The following ASAH2 variants were observed in gnomAD, a reference collection of about 807,000 sequenced individuals.
The protein encoded by ASAH2 is neutral ceramidase.
A neutral mutation model predicts 82.9 loss-of-function variants in ASAH2; 58 were observed. That is an observed-to-expected ratio of 0.70 (90% CI 0.57 to 0.87). The LOEUF is 0.87. Among genes scored for constraint, ASAH2 ranks in the 40% least tolerant of loss-of-function variants. ASAH2 has a pLI of 0.00. For synonymous variants in ASAH2, 276 were observed against 289.7 expected (o/e 0.95, Z 0.48); for missense variants, 779 against 834.0 (o/e 0.93, Z 0.81).
At chr10:50,220,631 T>G (rs1845718030) in intron 7 of ASAH2, among the ~76,000 whole-genome samples, 1 of 151,140 alleles carries the variant, frequency 6.6e-6, no homozygotes, top group South Asian at 2.1e-4. Flanking sequence ...GAGTGAAGGG[T>G]GGAAGGAGGG....
rs188897580 is a variant in ASAH2 at position 50,241,607 on chromosome 10, C to A, written c.510+1595G>T. On this transcript the variant is annotated intron_variant, in intron 4 of 20. Transcript: ENST00000682911. ...TTGCACACATATGTTTATTGTGGCACTATTCACAATAGCAAAGACTTGGAT... is the reference window on the plus strand; with the variant it reads ...TTGCACACATATGTTTATTGTGGCAATATTCACAATAGCAAAGACTTGGAT... Among the ~76,000 whole-genome samples, 644 of 152,198 alleles carry A rather than the reference C, an allele frequency of 4.2e-3. 2 individuals are homozygous for A. The highest frequency in any genetic ancestry group is 6.8e-3 in the Middle Eastern group (2 of 294).
chr10:50,221,627 TTGTA>T (rs201056273), intron 7 of ASAH2, among the ~76,000 whole-genome samples: 5,750 of 144,716 alleles, frequency 0.04, 403 homozygotes, highest in East Asian at 0.32. Context: ...TGAATTCAGG[TTGTA>T]TGTGTGTGTG....
intron 2 of ASAH2, among the ~76,000 whole-genome samples, chr10:50,248,126 C>G (rs1262677949): frequency 1.3e-5 from 2 of 152,142 alleles, no homozygotes; most frequent in Non-Finnish European, 2.9e-5. Context: ...CTCCTTTTGC[C>G]CCCAGGAGAA....
At chr10:50,233,376 C>A in intron 6 of ASAH2, 115 bp from the exon 7 acceptor site, 1 of 748,732 alleles carries the variant, frequency 1.3e-6, no homozygotes, top group South Asian at 1.5e-5. Context: ...AGTGAGATGT[C>A]TTGACAAGCA....
intron 4 of ASAH2, among the ~76,000 whole-genome samples, chr10:50,237,154 C>T (rs1846182642): frequency 6.6e-6 from 1 of 152,128 alleles, no homozygotes; most frequent in Non-Finnish European, 1.5e-5. Context: ...GCAGAAACTG[C>T]AAAGGTTTTA....
intron 15 of ASAH2, 28 bp downstream of exon 15, chr10:50,203,612 T>A: frequency 6.7e-7 from 1 of 1,489,702 alleles, no homozygotes; most frequent in Non-Finnish European, 9.3e-7. Context: ...CATGAACATG[T>A]AGATATGTTA....
At chr10:50,215,115 G>C (rs1306313166) in intron 8 of ASAH2, among the ~76,000 whole-genome samples, 1 of 152,150 alleles carries the variant, frequency 6.6e-6, no homozygotes, top group Non-Finnish European at 1.5e-5. Flanking sequence ...TATTGCTTTT[G>C]GTGTTTTAGT....
rs1273735817 is a variant in ASAH2 at position 50,200,656 on chromosome 10, C to T, written c.1762-1510G>A. Among the ~76,000 whole-genome samples, 201 of 152,136 alleles carry T rather than the reference C, an allele frequency of 1.3e-3. 2 individuals carry two copies. Among genetic ancestry groups the T allele is most frequent in the Middle Eastern group, 3.4e-3 (1 of 294 alleles). On this transcript the variant is annotated intron_variant, in intron 16 of 20. Coordinates refer to ENST00000682911, the MANE Select transcript of ASAH2 (RefSeq NM_019893.4). ...TTCTTTTTTCTGTCTTCCTACTAGA[C>T]CCCCAGCTTCCAGTGATCTTGAGGG...
intron 4 of ASAH2, among the ~76,000 whole-genome samples, chr10:50,239,512 A>G (rs1162957700): frequency 2.6e-5 from 4 of 152,108 alleles, no homozygotes; most frequent in Non-Finnish European, 5.9e-5. Flanking sequence ...CTATTTCCCA[A>G]TTAGAGCCAT....
At chr10:50,248,704 G>T in intron 1 of ASAH2, 58 bp from the exon 2 acceptor site, 3 of 1,314,266 alleles carry the variant, frequency 2.3e-6, no homozygotes, top group Non-Finnish European at 3.1e-6. Flanking sequence ...CCGAGGTTAA[G>T]ATATCTTAGC....
At chr10:50,219,552 A>G (rs1478182334) in intron 7 of ASAH2, among the ~76,000 whole-genome samples, 1 of 152,194 alleles carries the variant, frequency 6.6e-6, no homozygotes, top group Admixed American at 6.5e-5. Context: ...GAGAAATGCT[A>G]ATTCATAAAC....
intron 16 of ASAH2, among the ~76,000 whole-genome samples, chr10:50,201,598 T>G (rs925026294): frequency 7.7e-4 from 117 of 152,230 alleles, no homozygotes; most frequent in African/African-American, 2.6e-3. Flanking sequence ...CCATCTCACC[T>G]GGACCAGGAG....
chr10:50,194,172 C>T (rs1844913979), intron 18 of ASAH2, among the ~76,000 whole-genome samples: 1 of 151,176 alleles, frequency 6.6e-6, no homozygotes, highest in Admixed American at 6.6e-5. Context: ...TCTTTGAAAG[C>T]ACTATTGCCC....
Position 50,206,109 on chromosome 10 carries a change from G to C in ASAH2, c.1415-12C>G. ...CCCTTCTGTTTTCCCTATTAGAAATGTTATAATTAGTATACTTCCTTGAAC... is the reference window on the plus strand; with the variant it reads ...CCCTTCTGTTTTCCCTATTAGAAATCTTATAATTAGTATACTTCCTTGAAC... On this transcript the variant is annotated splice_polypyrimidine_tract_variant and intron_variant, in intron 12 of 20. Coordinates refer to ENST00000682911, the MANE Select transcript of ASAH2 (RefSeq NM_019893.4). 1 of 1,558,610 alleles carries C rather than the reference G, an allele frequency of 6.4e-7. No homozygotes were observed. Among genetic ancestry groups the C allele is most frequent in the South Asian group, 1.1e-5 (1 of 89,950 alleles).
At chr10:50,199,996 G>T (rs1845097892) in intron 16 of ASAH2, among the ~76,000 whole-genome samples, 1 of 150,968 alleles carries the variant, frequency 6.6e-6, no homozygotes, top group African/African-American at 2.4e-5. Context: ...TGTCATGAGG[G>T]TTGGTTATAC....
rs1845817286 is a variant in ASAH2, at chr10:50,224,098, C to A, written c.894-5468G>T. Among the ~76,000 whole-genome samples, 7 of 152,120 alleles carry A rather than the reference C, an allele frequency of 4.6e-5. No individual in the cohort carries two copies. The South Asian group carries it at 1.5e-3, about 32-fold the overall frequency. On this transcript the variant is annotated intron_variant, in intron 7 of 20. Coordinates refer to ENST00000682911, the MANE Select transcript of ASAH2 (RefSeq NM_019893.4). The stretch of plus-strand genomic sequence containing the variant: ...AGAGGCTAATATTGTGTTACAGTAG[C>A]TGAAAATACCAGCTCTGGGGTCAGA...
At chr10:50,248,088 T>C (rs111427864) in intron 2 of ASAH2, among the ~76,000 whole-genome samples, 14 of 152,344 alleles carry the variant, frequency 9.2e-5, no homozygotes, top group East Asian at 5.8e-4. Flanking sequence ...CACAGACTAA[T>C]TGACATTCAT....
rs1320321811 is a variant in ASAH2, at chr10:50,205,007, T to A, written c.1531-52A>T. ...GTTAGGGATAACACTCTCTCTATGG[T>A]CAACAGACATATAGTGGTCCCAGAA... On this transcript the variant is annotated intron_variant, in intron 13 of 20. Coordinates refer to ENST00000682911, the MANE Select transcript of ASAH2 (RefSeq NM_019893.4). 3.9e-6 allele frequency: 5 copies of A among 1,279,988 alleles called. No homozygotes were observed. The East Asian group carries it at 1.2e-4, about 30-fold the overall frequency. 79.3% of individuals were successfully genotyped at this position (1,279,988 alleles called of 1,614,324 possible).
At chr10:50,200,788 G>A (rs1845127498) in intron 16 of ASAH2, among the ~76,000 whole-genome samples, 5 of 152,100 alleles carry the variant, frequency 3.3e-5, no homozygotes, top group Admixed American at 3.3e-4. Flanking sequence ...AATACTTGCT[G>A]GAGTATATCC....
Sources: gnomAD v4.1 joint callset for allele counts (sites outside exome capture counted in the v4.1 genomes callset) on GRCh38, gnomAD v4.1.1 for gene constraint, MANE v1.5 for transcripts, NCBI Gene and HGNC (gene_info 2026-07-23, HGNC 2026-07-21) for gene names.